Variants in SH3PXD2A observed in about 807,000 individuals in gnomAD.
SH3PXD2A encodes the protein SH3 and PX domain-containing protein 2A.
Under a neutral mutation model 115.2 loss-of-function variants are expected in SH3PXD2A, and 32 were observed. The ratio of observed to expected loss-of-function variants is 0.28; its 90% CI spans 0.21 to 0.37. The LOEUF is 0.37. Among genes scored for constraint, SH3PXD2A ranks in the 10% least tolerant of loss-of-function variants. The pLI is 1.00. For missense variants in SH3PXD2A, 1,328 were observed against 1,498.7 expected, an observed-to-expected ratio of 0.89 and a Z score of 1.88; for synonymous variants, 610 against 629.1, an observed-to-expected ratio of 0.97 and a Z score of 0.45.
At chr10:103,625,661 G>A (rs538006051) in intron 9 of SH3PXD2A, among the ~76,000 whole-genome samples, 14 of 152,346 alleles carry the variant, frequency 9.2e-5, no homozygotes, top group South Asian at 6.2e-4. Flanking sequence ...GGGAGGCTGA[G>A]GTGGCAGATT....
At chr10:103,647,346 C>A (rs940371698) in intron 8 of SH3PXD2A, among the ~76,000 whole-genome samples, 3 of 152,168 alleles carry the variant, frequency 2.0e-5, no homozygotes, top group Non-Finnish European at 4.4e-5. Context: ...TACCCTGGAA[C>A]CACTTCTAGA....
At chr10:103,697,196 A>G (rs895745751) in intron 5 of SH3PXD2A, among the ~76,000 whole-genome samples, 25 of 151,962 alleles carry the variant, frequency 1.6e-4, no homozygotes, top group African/African-American at 6.0e-4. Context: ...CTACTTCTCT[A>G]TCTGTAGAAC....
In SH3PXD2A at chr10:103,598,528, TA is replaced by T. The variant is rs2036169456; in HGVS notation, c.*3287del. 1 of 152,682 alleles carries T rather than the reference TA, an allele frequency of 6.5e-6. No homozygotes were observed. Among genetic ancestry groups the T allele is most frequent in the Non-Finnish European group, 1.5e-5 (1 of 68,046 alleles). 9.5% of individuals were successfully genotyped at this position (152,682 alleles called of 1,614,324 possible). On this transcript the variant is annotated 3_prime_UTR_variant, in exon 15 of 15. Transcript: ENST00000369774. ...TGACCTCAGAAGGGCTCATTATGGT[TA>T]AAGTTGCAGTATACAGCAATACAGT...
At chr10:103,734,745 T>C (rs930715861) in intron 4 of SH3PXD2A, among the ~76,000 whole-genome samples, 58 of 152,250 alleles carry the variant, frequency 3.8e-4, no homozygotes, top group African/African-American at 1.3e-3. Context: ...AAAGATCTTG[T>C]CTCATCAAAA....
rs548420099 is a variant in SH3PXD2A at position 103,731,519 on chromosome 10, C to T, written c.306+4213G>A. Among the ~76,000 whole-genome samples, 5 of 152,298 alleles carry T rather than the reference C, an allele frequency of 3.3e-5. No homozygotes were observed. In the South Asian group the frequency reaches 1.0e-3, roughly 32 times the overall value. On this transcript the variant is annotated intron_variant, in intron 4 of 14. Transcript: ENST00000369774. ...TCTGCTTTATCTCAGCCTAGAAACT[C>T]CTTCTCCTGGGTCTACTATCTGGGT...
rs561115650 is a variant in SH3PXD2A, at chr10:103,758,607, G to A, written c.229+8487C>T. Among the ~76,000 whole-genome samples, 11 of 152,390 alleles carry A rather than the reference G, an allele frequency of 7.2e-5. No homozygotes were observed. The South Asian group carries it at 1.4e-3, about 20-fold the overall frequency. ...ATAAATATCTGTGATAGAAAGGAAT[G>A]AATGTAGCTATTCCACGCTGTGTTC... On this transcript the variant is annotated intron_variant, in intron 3 of 14. Transcript: ENST00000369774.
chr10:103,621,008 C>T (rs1246578307), intron 10 of SH3PXD2A, among the ~76,000 whole-genome samples: 3 of 152,046 alleles, frequency 2.0e-5, no homozygotes, highest in African/African-American at 4.8e-5. Context: ...ACACATGGCA[C>T]GGTGTATGCG....
At chr10:103,702,612 T>TGTGTGTGTGTGTGTGC (rs1491200444) in intron 5 of SH3PXD2A, among the ~76,000 whole-genome samples, 22 of 151,474 alleles carry the variant, frequency 1.5e-4, no homozygotes, top group African/African-American at 4.9e-4. Flanking sequence ...TGTGTGTGTG[T>TGTGTGTGTGTGTGTGC]GCATGCTGGG....
At chr10:103,604,240 T>C (rs1457325610) in intron 14 of SH3PXD2A, among the ~76,000 whole-genome samples, 2 of 152,172 alleles carry the variant, frequency 1.3e-5, no homozygotes, top group African/African-American at 2.4e-5. Flanking sequence ...CAGAAGAGTA[T>C]GGGAAGATGC....
At chr10:103,669,883 C>T (rs1376758129) in intron 6 of SH3PXD2A, among the ~76,000 whole-genome samples, 1 of 152,246 alleles carries the variant, frequency 6.6e-6, no homozygotes, top group Non-Finnish European at 1.5e-5. Context: ...GCCAAGCATC[C>T]TGCTGAGCAC....
chr10:103,712,522 G>A (rs961679208), intron 5 of SH3PXD2A, among the ~76,000 whole-genome samples: 1 of 152,226 alleles, frequency 6.6e-6, no homozygotes, highest in African/African-American at 2.4e-5. Context: ...AACCCTCCTG[G>A]GATAGGAAGC....
At chr10:103,682,375 T>G (rs2037622178) in intron 6 of SH3PXD2A, among the ~76,000 whole-genome samples, 1 of 152,232 alleles carries the variant, frequency 6.6e-6, no homozygotes, top group Non-Finnish European at 1.5e-5. Context: ...TCAATCAGGC[T>G]CCTTTCATTT....
At position 103,597,310 on chromosome 10, in the gene SH3PXD2A, A is replaced by G. The variant is rs2036150755; in HGVS notation, c.*4506T>C. 1 of 152,438 alleles carries G rather than the reference A, an allele frequency of 6.6e-6. No individual in the cohort carries two copies. Among genetic ancestry groups the G allele is most frequent in the South Asian group, 2.1e-4 (1 of 4,826 alleles). 9.4% of individuals were successfully genotyped at this position (152,438 alleles called of 1,614,324 possible). A position where few individuals can be genotyped will look rare whatever the true frequency, so the allele number is the denominator to read the frequency against. ...TGACTTCTAGGCTTCCTGCCTAGAAACTGAACTGAGGGCACCCAGTTTTAG... is the reference window on the plus strand; with the variant it reads ...TGACTTCTAGGCTTCCTGCCTAGAAGCTGAACTGAGGGCACCCAGTTTTAG... On this transcript the variant is annotated 3_prime_UTR_variant, in exon 15 of 15. Coordinates refer to ENST00000369774, the MANE Select transcript of SH3PXD2A (RefSeq NM_001394015.1).
chr10:103,790,304 G>A (rs1467902642), intron 2 of SH3PXD2A, among the ~76,000 whole-genome samples: 4 of 151,982 alleles, frequency 2.6e-5, no homozygotes, highest in Non-Finnish European at 4.4e-5. Flanking sequence ...ACAGGCGCCC[G>A]CCATCACCCC....
intron 1 of SH3PXD2A, among the ~76,000 whole-genome samples, chr10:103,818,026 A>G (rs2039341364): frequency 6.6e-6 from 1 of 152,256 alleles, no homozygotes; most frequent in Non-Finnish European, 1.5e-5. Context: ...TGAATGAACT[A>G]AAAACCATTT....
intron 1 of SH3PXD2A, among the ~76,000 whole-genome samples, chr10:103,826,653 C>G (rs536964122): frequency 6.6e-6 from 1 of 152,124 alleles, no homozygotes; most frequent in Non-Finnish European, 1.5e-5. Context: ...TTCCAGGTCC[C>G]GGAGCACATT....
At chr10:103,772,348 C>A (rs1050191479) in intron 2 of SH3PXD2A, among the ~76,000 whole-genome samples, 1 of 152,182 alleles carries the variant, frequency 6.6e-6, no homozygotes, top group Non-Finnish European at 1.5e-5. Flanking sequence ...GCCCCGCCCT[C>A]TGGGAGGAAG....
intron 8 of SH3PXD2A, among the ~76,000 whole-genome samples, chr10:103,646,339 C>G (rs1472650506): frequency 6.6e-6 from 1 of 152,104 alleles, no homozygotes; most frequent in Non-Finnish European, 1.5e-5. Context: ...ACGGATCCCA[C>G]CCCAATCCAA....
intron 7 of SH3PXD2A, among the ~76,000 whole-genome samples, chr10:103,662,361 G>GGGGGGT (rs2037321883): frequency 2.9e-5 from 3 of 104,478 alleles, no homozygotes; most frequent in African/African-American, 3.9e-5. Context: ...GGCGGGGGGG[G>GGGGGGT]ATAAGACACT....
Sources: gnomAD v4.1 joint callset for allele counts (sites outside exome capture counted in the v4.1 genomes callset) on GRCh38, gnomAD v4.1.1 for gene constraint, MANE v1.5 for transcripts, NCBI Gene and HGNC (gene_info 2026-07-23, HGNC 2026-07-21) for gene names.